P3H2: variants seen among roughly 807,000 people sequenced by gnomAD.
P3H2 encodes leprecan-like 1.
Under a neutral mutation model 87.0 loss-of-function variants are expected in P3H2, and 80 were observed. That is an observed-to-expected ratio of 0.92 (90% CI 0.77 to 1.11). The LOEUF is 1.11. P3H2 is among the 50% of genes least tolerant of loss of function. The pLI is 0.00. For synonymous variants in P3H2, 367 were observed against 359.3 expected (o/e 1.02, Z -0.24); for missense variants, 1,001 against 923.9 (o/e 1.08, Z -1.08).
intron 1 of P3H2, among the ~76,000 whole-genome samples, chr3:190,099,964 T>G (rs112887234): frequency 0.12 from 17,952 of 152,206 alleles, 1,168 homozygotes; most frequent in Middle Eastern, 0.2. Flanking sequence ...CTGGACATGG[T>G]GGCTCATGCC....
chr3:189,984,728 A>G (rs988176718), intron 6 of P3H2, 138 bp from the exon 7 acceptor site: 30 of 618,480 alleles, frequency 4.9e-5, no homozygotes, highest in Admixed American at 1.1e-4. Context: ...GTGTAAAGAT[A>G]CAATATATTT....
At chr3:189,963,367 A>C (rs1722872189) in intron 14 of P3H2, 1 of 155,026 alleles carries the variant, frequency 6.5e-6, no homozygotes, top group South Asian at 2.0e-4. Flanking sequence ...ACTATTTCTT[A>C]TGATTTGCGA....
intron 8 of P3H2, among the ~76,000 whole-genome samples, chr3:189,977,757 T>C (rs1299852953): frequency 6.6e-6 from 1 of 151,506 alleles, no homozygotes; most frequent in Admixed American, 6.6e-5. Flanking sequence ...CGCACCACCA[T>C]GCCTAGTTTA....
chr3:190,025,342 C>G (rs1482053589), intron 1 of P3H2, among the ~76,000 whole-genome samples: 1 of 152,112 alleles, frequency 6.6e-6, no homozygotes, highest in East Asian at 1.9e-4. Context: ...CCCTCAATTA[C>G]TTTTTAAATT....
At position 190,115,073 on chromosome 3, in the gene P3H2, A is replaced by G. The variant is rs1257143532; in HGVS notation, c.480+5179T>C. ...TTTTCCCCTAGGAACCACTAATCAA[A>G]TAGATTATGGTCAAGATAAAGGAAG... is the stretch of plus-strand genomic sequence containing the variant. On this transcript the variant is annotated intron_variant, in intron 1 of 14. Transcript: ENST00000319332. Among the ~76,000 whole-genome samples the G allele has an allele frequency of 2.0e-5, 3 of 152,218 alleles. No individual in the cohort carries two copies. In the East Asian group the frequency reaches 5.8e-4, roughly 29 times the overall value.
rs570413188 is a variant in P3H2 at position 190,070,513 on chromosome 3, C to T, written c.480+49739G>A. Among the ~76,000 whole-genome samples the T allele has an allele frequency of 1.8e-4, 27 of 152,192 alleles. No homozygotes were observed. In the East Asian group the frequency reaches 5.2e-3, roughly 29 times the overall value. ...TATCCAGGGTCATCTAGCCATGAAG[C>T]TTCCTCTCATCTTTTCCAGCATTAT... On this transcript the variant is annotated intron_variant, in intron 1 of 14. Transcript: ENST00000319332.
chr3:189,974,320 C>T, intron 9 of P3H2: 1 of 618,502 alleles, frequency 1.6e-6, no homozygotes, highest in South Asian at 2.0e-5. Flanking sequence ...AGGGACCTTG[C>T]TAGATGGCTG....
At chr3:190,073,918 A>C (rs1445387154) in intron 1 of P3H2, among the ~76,000 whole-genome samples, 3 of 152,218 alleles carry the variant, frequency 2.0e-5, no homozygotes, top group Non-Finnish European at 2.9e-5. Context: ...ACAAAACTTA[A>C]CAAATAACGC....
chr3:189,962,774 G>T (rs1722855962), intron 14 of P3H2, among the ~76,000 whole-genome samples: 1 of 152,190 alleles, frequency 6.6e-6, no homozygotes, highest in Admixed American at 6.5e-5. Context: ...GAAACACTTT[G>T]TAAGTTAGAT....
At chr3:190,020,813 C>T (rs7614992) in intron 1 of P3H2, among the ~76,000 whole-genome samples, 9,082 of 132,984 alleles carry the variant, frequency 0.068, 1,851 homozygotes, top group African/African-American at 0.21. Flanking sequence ...CTAAGGAGTC[C>T]TTTTCCAAGG....
chr3:190,084,207 A>C (rs1249506778), intron 1 of P3H2, among the ~76,000 whole-genome samples: 1 of 152,200 alleles, frequency 6.6e-6, no homozygotes, highest in Non-Finnish European at 1.5e-5. Flanking sequence ...TTCCCGAATA[A>C]TTTCTCACCA....
At chr3:189,964,633 A>C (rs1485955363) in intron 13 of P3H2, among the ~76,000 whole-genome samples, 1 of 152,284 alleles carries the variant, frequency 6.6e-6, no homozygotes, top group African/African-American at 2.4e-5. Flanking sequence ...CATTTTTAAA[A>C]GTCATAATTC....
At chr3:190,030,566 G>A (rs1725221679) in intron 1 of P3H2, among the ~76,000 whole-genome samples, 1 of 151,960 alleles carries the variant, frequency 6.6e-6, no homozygotes, top group South Asian at 2.1e-4. Flanking sequence ...AAATAAATAA[G>A]TAATTAAATG....
At chr3:190,016,068 C>G (rs1004908944) in intron 1 of P3H2, among the ~76,000 whole-genome samples, 6 of 152,158 alleles carry the variant, frequency 3.9e-5, no homozygotes, top group African/African-American at 1.4e-4. Flanking sequence ...GCTGTTTTGC[C>G]TCTTTATTAT....
intron 1 of P3H2, among the ~76,000 whole-genome samples, chr3:190,097,388 A>G (rs1425580502): frequency 6.6e-6 from 1 of 152,198 alleles, no homozygotes; most frequent in African/African-American, 2.4e-5. Flanking sequence ...TTCCTCATAT[A>G]TAGTTCAATA....
chr3:189,964,323 C>T (rs1053268705), intron 13 of P3H2, among the ~76,000 whole-genome samples: 5 of 152,172 alleles, frequency 3.3e-5, no homozygotes, highest in African/African-American at 1.2e-4. Flanking sequence ...TCAAGTAAAA[C>T]GTGTAGCAAA....
At chr3:189,970,970 T>G in intron 12 of P3H2, 79 bp from the exon 13 acceptor site, 3 of 828,440 alleles carry the variant, frequency 3.6e-6, no homozygotes, top group Non-Finnish European at 6.3e-6. Context: ...AGACTGGTGA[T>G]GTACTGTCCA....
intron 1 of P3H2, among the ~76,000 whole-genome samples, chr3:190,115,351 G>C (rs1240654621): frequency 6.6e-6 from 1 of 151,118 alleles, no homozygotes; most frequent in African/African-American, 2.4e-5. Context: ...GCAGGGGCAA[G>C]CTTGTTTTGA....
intron 1 of P3H2, among the ~76,000 whole-genome samples, chr3:190,020,681 C>T (rs1724906856): frequency 7.5e-6 from 1 of 133,450 alleles, no homozygotes; most frequent in South Asian, 2.7e-4. Flanking sequence ...TAGGGTGAAG[C>T]CCATCCAGGG....
Sources: gnomAD v4.1 joint callset for allele counts (sites outside exome capture counted in the v4.1 genomes callset) on GRCh38, gnomAD v4.1.1 for gene constraint, MANE v1.5 for transcripts, NCBI Gene and HGNC (gene_info 2026-07-23, HGNC 2026-07-21) for gene names.